The following NCKAP5 variants were observed in gnomAD, a reference collection of about 807,000 sequenced individuals.
NCKAP5 encodes NCK associated protein 5.
NCKAP5 carries 92 observed loss-of-function variants against 167.0 expected under a neutral mutation model. The observed-to-expected ratio is 0.55, with a 90% CI of 0.47 to 0.66. NCKAP5 has a LOEUF of 0.66. Among genes scored for constraint, NCKAP5 ranks in the 30% least tolerant of loss-of-function variants. The pLI is 0.00. For synonymous variants in NCKAP5, 891 were observed against 877.4 expected (o/e 1.02, Z -0.27); for missense variants, 2,378 against 2,315.0 (o/e 1.03, Z -0.56).
intron 16 of NCKAP5, among the ~76,000 whole-genome samples, chr2:132,769,145 A>G (rs1046563489): frequency 1.3e-5 from 2 of 150,458 alleles, no homozygotes; most frequent in African/African-American, 2.5e-5. Flanking sequence ...ATGGGATCTC[A>G]CTATGTTGCT....
chr2:133,218,667 T>C (rs1205042189), intron 4 of NCKAP5, among the ~76,000 whole-genome samples: 2 of 152,192 alleles, frequency 1.3e-5, no homozygotes, highest in East Asian at 1.9e-4. Flanking sequence ...TATATGTTAA[T>C]GGTATGTTAA....
At chr2:133,102,649 A>G (rs923422274) in intron 6 of NCKAP5, among the ~76,000 whole-genome samples, 8 of 151,560 alleles carry the variant, frequency 5.3e-5, no homozygotes, top group Non-Finnish European at 8.8e-5. Context: ...TCCCTCCACT[A>G]CTTTATTTAC....
chr2:133,345,536 A>C (rs1029468901), intron 3 of NCKAP5, among the ~76,000 whole-genome samples: 2 of 152,148 alleles, frequency 1.3e-5, no homozygotes, highest in African/African-American at 4.8e-5. Context: ...AAATATGCTG[A>C]CACCTGAGGC....
At position 133,129,980 on chromosome 2, in the gene NCKAP5, G is replaced by T; in HGVS notation, c.339C>A (p.Ser113=). The part of the protein sequence containing the change: ...IQMRSLQQQF[S]RMEETVRNLL... ...ATCTGCTCAGCTAAGAACAATACCTGGAGAACTGCTGCTGCAAGCTACGCA... is the reference window on the plus strand; with the variant it reads ...ATCTGCTCAGCTAAGAACAATACCTTGAGAACTGCTGCTGCAAGCTACGCA... The change falls in exon 6 of 20, where the codon TCC becomes TCA. Residue 113 remains serine, a splice_region_variant and synonymous_variant. Coordinates refer to ENST00000409261, the MANE Select transcript of NCKAP5 (RefSeq NM_207363.3). 1 of 1,604,892 alleles carries T rather than the reference G, an allele frequency of 6.2e-7. No homozygotes were observed. Among genetic ancestry groups the T allele is most frequent in the Admixed American group, 1.7e-5 (1 of 57,862 alleles).
intron 6 of NCKAP5, among the ~76,000 whole-genome samples, chr2:133,011,144 A>G (rs2078145688): frequency 6.6e-6 from 1 of 152,214 alleles, no homozygotes; most frequent in Non-Finnish European, 1.5e-5. Flanking sequence ...AGATACACAC[A>G]ACATTATTTT....
At position 133,564,662 on chromosome 2, in the gene NCKAP5, A is replaced by G. The variant is rs897475165; in HGVS notation, c.-130+3554T>C. Among the ~76,000 whole-genome samples the G allele has an allele frequency of 3.9e-5, 6 of 152,206 alleles. No homozygotes were observed. The East Asian group carries it at 1.2e-3, about 29-fold the overall frequency. ...GGGAGACAGAGCAGGGAACGTTGTCAGATGAAGCCAAGGAACGTGGAAGGA... is the reference window on the plus strand; with the variant it reads ...GGGAGACAGAGCAGGGAACGTTGTCGGATGAAGCCAAGGAACGTGGAAGGA... On this transcript the variant is annotated intron_variant, in intron 1 of 19. Transcript: ENST00000409261.
chr2:133,304,768 C>G (rs1680655516), intron 3 of NCKAP5, among the ~76,000 whole-genome samples: 2 of 152,208 alleles, frequency 1.3e-5, no homozygotes. Flanking sequence ...GCTGCAGATA[C>G]AGTAATCATC....
chr2:133,463,628 A>G (rs1692337380), intron 3 of NCKAP5, among the ~76,000 whole-genome samples: 1 of 152,252 alleles, frequency 6.6e-6, no homozygotes, highest in Non-Finnish European at 1.5e-5. Context: ...AGAAGCCCAA[A>G]GCCCTGAGAT....
At chr2:133,481,658 C>T (rs1280048456) in intron 3 of NCKAP5, among the ~76,000 whole-genome samples, 5 of 152,150 alleles carry the variant, frequency 3.3e-5, no homozygotes, top group Admixed American at 3.3e-4. Flanking sequence ...TCATTTAGCT[C>T]CCACTTATAA....
At chr2:133,364,169 G>T (rs1188589081) in intron 3 of NCKAP5, among the ~76,000 whole-genome samples, 1 of 152,022 alleles carries the variant, frequency 6.6e-6, no homozygotes, top group African/African-American at 2.4e-5. Context: ...CCAAAATCAG[G>T]CATCTGGTAA....
intron 19 of NCKAP5, among the ~76,000 whole-genome samples, chr2:132,722,291 C>T (rs532299839): frequency 2.0e-5 from 3 of 152,198 alleles, no homozygotes; most frequent in Non-Finnish European, 4.4e-5. Context: ...CCCCTCCATT[C>T]CTACTTCTCC....
chr2:133,244,597 C>T (rs566597484), intron 4 of NCKAP5, among the ~76,000 whole-genome samples: 8 of 151,844 alleles, frequency 5.3e-5, no homozygotes, highest in African/African-American at 1.9e-4. Flanking sequence ...GTGTTTGAAG[C>T]AAAACATATA....
intron 3 of NCKAP5, among the ~76,000 whole-genome samples, chr2:133,339,929 G>A (rs1455084965): frequency 1.3e-5 from 2 of 152,116 alleles, no homozygotes; most frequent in Admixed American, 1.3e-4. Flanking sequence ...TGCGGTCTTT[G>A]GTTTTACATA....
At chr2:133,565,039 G>A (rs993448125) in intron 1 of NCKAP5, among the ~76,000 whole-genome samples, 1 of 152,192 alleles carries the variant, frequency 6.6e-6, no homozygotes, top group Non-Finnish European at 1.5e-5. Context: ...CCTACCTGCG[G>A]TGACTGGGAT....
the NCKAP5 span, among the ~76,000 whole-genome samples, chr2:133,673,568 G>A: frequency 6.6e-6 from 1 of 152,186 alleles, no homozygotes; most frequent in Non-Finnish European, 1.5e-5. Flanking sequence ...CAGAGCTGAG[G>A]CAGCTCTTTC....
chr2:133,127,701 C>T (rs977724772), intron 6 of NCKAP5, among the ~76,000 whole-genome samples: 2 of 152,124 alleles, frequency 1.3e-5, no homozygotes, highest in African/African-American at 2.4e-5. Context: ...AGATCTGCCT[C>T]CTCCTATCCT....
intron 4 of NCKAP5, chr2:133,268,452 G>A (rs926808579): frequency 2.0e-5 from 3 of 151,182 alleles, no homozygotes; most frequent in African/African-American, 7.3e-5. Flanking sequence ...TGTAAGTCAA[G>A]GACAACTACT....
At chr2:133,169,261 C>T (rs1306089676) in intron 5 of NCKAP5, among the ~76,000 whole-genome samples, 1 of 152,176 alleles carries the variant, frequency 6.6e-6, no homozygotes, top group Non-Finnish European at 1.5e-5. Context: ...CCGTTCCATT[C>T]TAGAATTCCA....
intron 8 of NCKAP5, among the ~76,000 whole-genome samples, chr2:132,946,497 A>G (rs954845665): frequency 7.2e-5 from 11 of 152,214 alleles, no homozygotes; most frequent in Non-Finnish European, 1.3e-4. Flanking sequence ...CACTGCCCCT[A>G]CATGTCCCAA....
Sources: gnomAD v4.1 joint callset for allele counts (sites outside exome capture counted in the v4.1 genomes callset) on GRCh38, gnomAD v4.1.1 for gene constraint, MANE v1.5 for transcripts, NCBI Gene and HGNC (gene_info 2026-07-23, HGNC 2026-07-21) for gene names.